CADPS: variants seen among roughly 807,000 people sequenced by gnomAD.
CADPS encodes calcium-dependent secretion activator 1.
A neutral mutation model predicts 167.3 loss-of-function variants in CADPS; 57 were observed. The observed-to-expected ratio is 0.34, with a 90% CI of 0.28 to 0.42. CADPS has a LOEUF of 0.42. Among genes scored for constraint, CADPS ranks in the 20% least tolerant of loss-of-function variants. CADPS has a pLI of 1.00. For missense variants in CADPS, 1,414 were observed against 1,738.1 expected (o/e 0.81, Z 3.32); for synonymous variants, 676 against 635.3 (o/e 1.06, Z -0.96).
At chr3:62,573,205 C>T (rs1174359930) in intron 8 of CADPS, among the ~76,000 whole-genome samples, 1 of 152,114 alleles carries the variant, frequency 6.6e-6, no homozygotes, top group Non-Finnish European at 1.5e-5. Context: ...TTAAATCTTC[C>T]CTAGAGTACC....
intron 3 of CADPS, among the ~76,000 whole-genome samples, chr3:62,685,754 T>TAG (rs2077901379): frequency 6.6e-6 from 1 of 151,856 alleles, no homozygotes; most frequent in African/African-American, 2.4e-5. Context: ...CATCAGGCAT[T>TAG]AGATTCTCAT....
At chr3:62,716,306 G>C (rs1487009183) in intron 3 of CADPS, among the ~76,000 whole-genome samples, 2 of 151,534 alleles carry the variant, frequency 1.3e-5, no homozygotes, top group African/African-American at 2.4e-5. Context: ...CGTCCATCTC[G>C]GCCTCCCAAA....
intron 3 of CADPS, among the ~76,000 whole-genome samples, chr3:62,723,985 TG>T (rs1490712851): frequency 6.6e-6 from 1 of 152,226 alleles, no homozygotes; most frequent in East Asian, 1.9e-4. Flanking sequence ...TGGCCTTATG[TG>T]GGCACTTCTG....
chr3:62,498,977 A>C (rs984076241), intron 18 of CADPS, among the ~76,000 whole-genome samples, 185 bp downstream of exon 18: 19 of 152,204 alleles, frequency 1.2e-4, no homozygotes, highest in Non-Finnish European at 1.6e-4. Context: ...ACATGCAACC[A>C]CTTTTTGGTT....
At chr3:62,609,187 C>G (rs73840524) in intron 6 of CADPS, among the ~76,000 whole-genome samples, 10,624 of 152,038 alleles carry the variant, frequency 0.07, 1,231 homozygotes, top group African/African-American at 0.24. Context: ...AAGGTTCTTA[C>G]AAATGTTAGT....
intron 27 of CADPS, chr3:62,439,612 T>G (rs1290341482): frequency 6.6e-6 from 1 of 152,192 alleles, no homozygotes; most frequent in African/African-American, 2.4e-5. Context: ...CAGGCACCTC[T>G]CTCCTTCTCT....
intron 6 of CADPS, among the ~76,000 whole-genome samples, chr3:62,638,298 G>C (rs2066733457): frequency 6.6e-6 from 1 of 151,948 alleles, no homozygotes. Flanking sequence ...TGAGGATTTA[G>C]AATTTCCCCC....
rs573574246 is a variant in CADPS at position 62,514,398 on chromosome 3, G to T, written c.2582-1630C>A. On this transcript the variant is annotated intron_variant, in intron 16 of 29. Transcript: ENST00000383710. The surrounding 1 kb of genome is among the most constrained non-coding windows in gnomAD (Gnocchi z 4.2). ...ACATTAAAGTGGCTGAGCCAATCAC[G>T]GACAAGGAAGGAGAGAAGCGGAAGA... Among the ~76,000 whole-genome samples, 4 of 151,982 alleles carry T rather than the reference G, an allele frequency of 2.6e-5. No homozygotes were observed. The highest frequency in any genetic ancestry group is 5.9e-5 in the Non-Finnish European group (4 of 67,964).
At chr3:62,811,430 TGCATGCATTG>T (rs2094390733) in intron 1 of CADPS, among the ~76,000 whole-genome samples, 1 of 152,158 alleles carries the variant, frequency 6.6e-6, no homozygotes, top group South Asian at 2.1e-4. Context: ...CTCAAGAAAA[TGCATGCATTG>T]GGCACTATGG....
At chr3:62,515,400 C>T (rs1042068347) in intron 16 of CADPS, among the ~76,000 whole-genome samples, 4 of 151,998 alleles carry the variant, frequency 2.6e-5, no homozygotes, top group Admixed American at 6.6e-5. Flanking sequence ...CATATCTTCT[C>T]AAGTAGAGTT....
chr3:62,605,264 C>T (rs2060544849), intron 6 of CADPS, among the ~76,000 whole-genome samples: 1 of 146,978 alleles, frequency 6.8e-6, no homozygotes, highest in Non-Finnish European at 1.5e-5. Flanking sequence ...AAAAAAAAAA[C>T]TGGGAGAGAC....
chr3:62,478,200 T>G lies in CADPS; in HGVS notation c.3329+61A>C. 6.4e-7 allele frequency: 1 copy of G among 1,571,062 alleles called. No individual in the cohort carries two copies. The stretch of plus-strand genomic sequence containing the variant: ...CAATTGAAAGAGCAGCCATCTACCC[T>G]TCCCTGAGTCTGTGTATGGTGGGGA... On this transcript the variant is annotated intron_variant, in intron 23 of 29. Transcript: ENST00000383710. The surrounding 1 kb of genome is among the most constrained non-coding windows in gnomAD (Gnocchi z 5.7).
chr3:62,699,491 G>A (rs540914027), intron 3 of CADPS, among the ~76,000 whole-genome samples: 3 of 152,286 alleles, frequency 2.0e-5, no homozygotes, highest in South Asian at 2.1e-4. Context: ...AACCCTTGGA[G>A]TCTACTGTAA....
intron 28 of CADPS, among the ~76,000 whole-genome samples, chr3:62,406,170 G>C (rs564106496): frequency 1.2e-4 from 18 of 152,168 alleles, no homozygotes; most frequent in Non-Finnish European, 2.1e-4. Context: ...CCGAATCCGC[G>C]TTCAGGGATA....
chr3:62,604,024 G>A (rs2060345258), intron 6 of CADPS, among the ~76,000 whole-genome samples: 2 of 151,586 alleles, frequency 1.3e-5, no homozygotes, highest in African/African-American at 4.9e-5. Flanking sequence ...TGGAGACGGG[G>A]TTTCACTGTG....
intron 18 of CADPS, among the ~76,000 whole-genome samples, chr3:62,496,478 T>C (rs985139092): frequency 6.6e-6 from 1 of 152,262 alleles, no homozygotes; most frequent in Non-Finnish European, 1.5e-5. Flanking sequence ...TTTGGTACTT[T>C]CCACACAGGT....
At chr3:62,795,403 C>T (rs1157958156) in intron 1 of CADPS, among the ~76,000 whole-genome samples, 1 of 152,208 alleles carries the variant, frequency 6.6e-6, no homozygotes, top group East Asian at 1.9e-4. Flanking sequence ...AGGTAGGGCC[C>T]TTGTTTTTCT....
At chr3:62,828,453 T>C (rs191121428) in intron 1 of CADPS, among the ~76,000 whole-genome samples, 9 of 152,238 alleles carry the variant, frequency 5.9e-5, no homozygotes, top group South Asian at 2.1e-4. Context: ...AAATGGCCAA[T>C]TAGTAACTGA....
intron 6 of CADPS, among the ~76,000 whole-genome samples, chr3:62,607,551 C>T (rs1463345663): frequency 6.6e-6 from 1 of 152,190 alleles, no homozygotes; most frequent in Non-Finnish European, 1.5e-5. Flanking sequence ...TGAATGGGGA[C>T]CCAAATTGTG....
Sources: allele counts gnomAD v4.1 joint callset (sites outside exome capture counted in the v4.1 genomes callset), GRCh38; gene constraint gnomAD v4.1.1; non-coding constraint Gnocchi (gnomAD v3.1); transcripts MANE v1.5; gene names NCBI Gene and HGNC (gene_info 2026-07-23, HGNC 2026-07-21).